Variants in PPP1R13B observed in about 807,000 individuals in gnomAD.
PPP1R13B encodes apoptosis-stimulating of p53 protein 1.
Under a neutral mutation model 119.8 loss-of-function variants are expected in PPP1R13B, and 44 were observed. The ratio of observed to expected loss-of-function variants is 0.37; its 90% CI spans 0.29 to 0.47. The LOEUF is 0.47. Among genes scored for constraint, PPP1R13B ranks in the 20% least tolerant of loss-of-function variants. The probability of loss-of-function intolerance (pLI) is 0.99; values close to 1 mark genes in which losing one functional copy is unlikely to be tolerated. For synonymous variants in PPP1R13B, 542 were observed against 561.5 expected (o/e 0.97, Z 0.49); for missense variants, 1,227 against 1,413.5 (o/e 0.87, Z 2.12).
intron 5 of PPP1R13B, among the ~76,000 whole-genome samples, chr14:103,757,363 A>G (rs147354368): frequency 7.2e-4 from 110 of 152,104 alleles, no homozygotes; most frequent in African/African-American, 2.6e-3. Flanking sequence ...CCCTTTCCAA[A>G]TTTTATCTAT....
At chr14:103,821,288 C>A (rs1039928008) in intron 1 of PPP1R13B, among the ~76,000 whole-genome samples, 3 of 152,180 alleles carry the variant, frequency 2.0e-5, no homozygotes, top group African/African-American at 7.2e-5. Flanking sequence ...ATACCATATT[C>A]TCTCAAATCT....
rs1393933091 is a variant in PPP1R13B at position 103,737,833 on chromosome 14, A to G, written c.2892T>C (p.Cys964=). ...GCTGTTTGCAGAGGTGAACGCTGTT[A>G]CAAGAGGCAGCGCAGTGCAGCGGCG... ...GWTPLHCAAS[C]NSVHLCKQLV... Residue 964 remains cysteine, a synonymous_variant, in exon 15 of 17, where the codon TGT becomes TGC. Coordinates refer to ENST00000202556, the MANE Select transcript of PPP1R13B (RefSeq NM_015316.3). 1 of 1,614,180 alleles carries G rather than the reference A, an allele frequency of 6.2e-7. No homozygotes were observed. Among genetic ancestry groups the G allele is most frequent in the Non-Finnish European group, 8.5e-7 (1 of 1,180,032 alleles).
intron 1 of PPP1R13B, chr14:103,839,975 A>G (rs1206674063): frequency 6.6e-6 from 1 of 152,234 alleles, no homozygotes; most frequent in Non-Finnish European, 1.5e-5. Flanking sequence ...AAATGTCATA[A>G]ATTTTAATAA....
At chr14:103,809,717 G>A (rs1296828000) in intron 1 of PPP1R13B, among the ~76,000 whole-genome samples, 1 of 151,938 alleles carries the variant, frequency 6.6e-6, no homozygotes, top group East Asian at 2.0e-4. Context: ...AGACACGTGG[G>A]GGGCTGAGGC....
At chr14:103,801,883 G>C (rs1414610718) in intron 1 of PPP1R13B, among the ~76,000 whole-genome samples, 1 of 152,074 alleles carries the variant, frequency 6.6e-6, no homozygotes, top group African/African-American at 2.4e-5. Context: ...TCTTCCCTGA[G>C]CACATTTCTA....
In PPP1R13B at chr14:103,742,965, C is replaced by T; in HGVS notation, c.1151-142G>A. The T allele has an allele frequency of 1.1e-6, 1 of 899,338 alleles. No individual in the cohort carries two copies. Among genetic ancestry groups the T allele is most frequent in the Admixed American group, 2.3e-5 (1 of 43,012 alleles). 55.7% of individuals were successfully genotyped at this position (899,338 alleles called of 1,614,324 possible). ...CATTAACCGAGTGGTCAACCACCAG[C>T]CACATGCACAACTGCTGATCTCCTC... On this transcript the variant is annotated intron_variant, in intron 9 of 16. Transcript: ENST00000202556. The surrounding 1 kb of genome is among the most constrained non-coding windows in gnomAD (Gnocchi z 4.9).
At chr14:103,803,483 A>C (rs1451608152) in intron 1 of PPP1R13B, among the ~76,000 whole-genome samples, 4 of 152,046 alleles carry the variant, frequency 2.6e-5, no homozygotes, top group Admixed American at 6.6e-5. Context: ...CTCTATTAAA[A>C]ATACAAAAAA....
At chr14:103,824,039 CTTTTTTTTT>C (rs35194586) in intron 1 of PPP1R13B, among the ~76,000 whole-genome samples, 20 of 75,144 alleles carry the variant, frequency 2.7e-4, no homozygotes, top group African/African-American at 8.4e-4. Context: ...CTACCTCATC[CTTTTTTTTT>C]TTTTTTTTTT....
At chr14:103,838,235 CACAG>C (rs1238504879) in intron 1 of PPP1R13B, among the ~76,000 whole-genome samples, 1 of 151,334 alleles carries the variant, frequency 6.6e-6, no homozygotes, top group Non-Finnish European at 1.5e-5. Context: ...CACACACACA[CACAG>C]ACACACACAG....
intron 9 of PPP1R13B, among the ~76,000 whole-genome samples, chr14:103,745,176 G>A (rs1398559715): frequency 6.6e-6 from 1 of 152,196 alleles, no homozygotes; most frequent in Non-Finnish European, 1.5e-5. Context: ...CTGAGTGGGG[G>A]CTTGTGGCTC....
intron 2 of PPP1R13B, among the ~76,000 whole-genome samples, chr14:103,792,382 T>A (rs1379470751): frequency 3.9e-5 from 6 of 152,138 alleles, no homozygotes; most frequent in Non-Finnish European, 7.3e-5. Flanking sequence ...TTGGCCACAT[T>A]GCCAAGGTTG....
chr14:103,812,114 G>T (rs1053933701), intron 1 of PPP1R13B, among the ~76,000 whole-genome samples: 8 of 126,358 alleles, frequency 6.3e-5, no homozygotes, highest in South Asian at 2.6e-4. Flanking sequence ...TAATGTTTTT[G>T]TTTCTGTGTG....
At chr14:103,810,232 G>C (rs528777170) in intron 1 of PPP1R13B, among the ~76,000 whole-genome samples, 27 of 149,948 alleles carry the variant, frequency 1.8e-4, no homozygotes, top group African/African-American at 5.9e-4. Context: ...AACCAGCCTG[G>C]CCAACATGGT....
At chr14:103,785,021 T>C (rs2085426037) in intron 2 of PPP1R13B, 107 bp from the exon 3 acceptor site, 2 of 949,148 alleles carry the variant, frequency 2.1e-6, no homozygotes, top group East Asian at 5.7e-5. Context: ...CATGTATGTC[T>C]ACATGTTACA....
chr14:103,792,823 C>A (rs987176961), intron 2 of PPP1R13B, among the ~76,000 whole-genome samples: 2 of 152,126 alleles, frequency 1.3e-5, no homozygotes, highest in African/African-American at 2.4e-5. Context: ...GTAATCCCAG[C>A]ACTTTGGGAG....
upstream of PPP1R13B, chr14:103,848,518 A>G (rs2044613905): frequency 1.0e-6 from 1 of 983,524 alleles, no homozygotes; most frequent in South Asian, 4.7e-5. Flanking sequence ...CGGAGAGCAG[A>G]CAGGGGGACT....
chr14:103,742,860 C>CAGA lies in PPP1R13B; in HGVS notation c.1151-38_1151-37insTCT. On this transcript the variant is annotated intron_variant, in intron 9 of 16. Transcript: ENST00000202556. The surrounding 1 kb of genome is among the most constrained non-coding windows in gnomAD (Gnocchi z 4.9). The stretch of plus-strand genomic sequence containing the variant: ...CACAGAACTTACGTAAAACTTTTCT[C>CAGA]AATGTAGTTGAACCAACCTAAGAAT... The CAGA allele has an allele frequency of 6.2e-7, 1 of 1,609,566 alleles. No individual in the cohort carries two copies. Among genetic ancestry groups the CAGA allele is most frequent in the Middle Eastern group, 1.7e-4 (1 of 6,042 alleles).
intron 1 of PPP1R13B, among the ~76,000 whole-genome samples, chr14:103,805,173 C>A (rs2085988112): frequency 6.6e-6 from 1 of 152,114 alleles, no homozygotes; most frequent in South Asian, 2.1e-4. Context: ...ATATGGCCCC[C>A]AGCAATTCCA....
rs201954707 is a variant in PPP1R13B at position 103,767,009 on chromosome 14, C to CT, written c.355-9259dup. ...AATAATGAGAACTCTATAGGCAACT[C>CT]TTTATTTTTGGAAGATTATGAGAAG... On this transcript the variant is annotated intron_variant, in intron 4 of 16. Coordinates refer to ENST00000202556, the MANE Select transcript of PPP1R13B (RefSeq NM_015316.3). 7.5e-3 allele frequency among the ~76,000 whole-genome samples: 1,142 copies of CT among 152,272 alleles called. 14 individuals carry two copies. The highest frequency in any genetic ancestry group is 0.026 in the African/African-American group (1,091 of 41,556).
Sources: allele counts gnomAD v4.1 joint callset (sites outside exome capture counted in the v4.1 genomes callset), GRCh38; gene constraint gnomAD v4.1.1; non-coding constraint Gnocchi (gnomAD v3.1); transcripts MANE v1.5; gene names NCBI Gene and HGNC (gene_info 2026-07-23, HGNC 2026-07-21).